STK32A: variants seen among roughly 807,000 people sequenced by gnomAD.
The protein encoded by STK32A is serine/threonine-protein kinase 32A.
STK32A carries 41 observed loss-of-function variants against 53.2 expected under a neutral mutation model. That is an observed-to-expected ratio of 0.77 (90% CI 0.60 to 1.00). The LOEUF (loss-of-function observed/expected upper bound fraction) is 1.00, where lower values mean the gene tolerates loss of function less well. Ranked by LOEUF, STK32A falls within the 50% of genes least tolerant of loss-of-function variation. STK32A has a pLI of 0.00. For synonymous variants in STK32A, 166 were observed against 162.8 expected (o/e 1.02, Z -0.15); for missense variants, 458 against 485.8 (o/e 0.94, Z 0.54).
intron 4 of STK32A, among the ~76,000 whole-genome samples, chr5:147,295,394 C>A (rs1034458561): frequency 6.6e-6 from 1 of 152,166 alleles, no homozygotes; most frequent in African/African-American, 2.4e-5. Context: ...CTTTGTTAAT[C>A]ATTTTTATAG....
chr5:147,371,278 A>C (rs1756993987), intron 9 of STK32A, among the ~76,000 whole-genome samples: 1 of 152,148 alleles, frequency 6.6e-6, no homozygotes, highest in African/African-American at 2.4e-5. Flanking sequence ...TGGTCTGTTA[A>C]AGGACAGTCC....
Position 147,373,255 on chromosome 5 carries a change from A to G in STK32A, c.864A>G (p.Ala288=). Residue 288 remains alanine, a synonymous_variant, in exon 10 of 13, where the codon GCA becomes GCG. Coordinates refer to ENST00000397936, the MANE Select transcript of STK32A (RefSeq NM_001112724.2). ...FPYMNDINWD[A]VFQKRLIPGF... ...ATATGAATGATATAAACTGGGATGCAGTTTTTCAGAAGAGGCTCATTCCAG... is the reference window on the plus strand; with the variant it reads ...ATATGAATGATATAAACTGGGATGCGGTTTTTCAGAAGAGGCTCATTCCAG... 1 of 1,613,378 alleles carries G rather than the reference A, an allele frequency of 6.2e-7. No homozygotes were observed. The highest frequency in any genetic ancestry group is 1.1e-5 in the South Asian group (1 of 91,078).
At chr5:147,304,992 G>A (rs1753332282) in intron 4 of STK32A, among the ~76,000 whole-genome samples, 1 of 152,024 alleles carries the variant, frequency 6.6e-6, no homozygotes, top group Admixed American at 6.6e-5. Flanking sequence ...CAGCTTCTTT[G>A]GAGGCTGAGG....
chr5:147,391,653 T>G (rs191949529), downstream of STK32A: 183 of 152,352 alleles, frequency 1.2e-3, 2 homozygotes, highest in African/African-American at 4.0e-3. Context: ...GCCTGTTTGA[T>G]GTGTCTTATG....
chr5:147,371,576 T>G (rs1290271694), intron 9 of STK32A, among the ~76,000 whole-genome samples: 1 of 152,208 alleles, frequency 6.6e-6, no homozygotes, highest in African/African-American at 2.4e-5. Context: ...TACTACTCAA[T>G]GTGGTTCACT....
chr5:147,239,426 C>A, intron 1 of STK32A, 113 bp from the exon 2 acceptor site: 1 of 443,576 alleles, frequency 2.3e-6, no homozygotes, highest in Non-Finnish European at 4.0e-6. Context: ...TTTTCAAACA[C>A]AAAAGTTTTC....
intron 5 of STK32A, among the ~76,000 whole-genome samples, chr5:147,329,530 C>T (rs1561724374): frequency 6.6e-6 from 1 of 152,304 alleles, no homozygotes; most frequent in East Asian, 1.9e-4. Flanking sequence ...GTCAAGTAAA[C>T]ACTTCAACAT....
intron 4 of STK32A, among the ~76,000 whole-genome samples, chr5:147,288,489 GT>G (rs1206324726): frequency 6.6e-6 from 1 of 152,174 alleles, no homozygotes; most frequent in Non-Finnish European, 1.5e-5. Context: ...AAGAAAAGAA[GT>G]TTAAGTGGCT....
chr5:147,302,255 G>A (rs886280749), intron 4 of STK32A, among the ~76,000 whole-genome samples: 11 of 152,072 alleles, frequency 7.2e-5, no homozygotes, highest in African/African-American at 1.4e-4. Flanking sequence ...TTCAAGCAAC[G>A]TTTTATTGTA....
intron 2 of STK32A, among the ~76,000 whole-genome samples, chr5:147,249,861 C>A (rs950717579): frequency 1.6e-5 from 2 of 128,076 alleles, no homozygotes; most frequent in Non-Finnish European, 3.1e-5. Context: ...TTCAGTGAGC[C>A]GAGATCTACT....
At chr5:147,268,321 T>C (rs1489071487) in intron 2 of STK32A, among the ~76,000 whole-genome samples, 3 of 152,168 alleles carry the variant, frequency 2.0e-5, no homozygotes, top group African/African-American at 7.2e-5. Context: ...CTTCTGAGGT[T>C]GTAATAATCT....
intron 6 of STK32A, among the ~76,000 whole-genome samples, chr5:147,344,077 A>G (rs1300628686): frequency 6.6e-6 from 1 of 152,216 alleles, no homozygotes; most frequent in Non-Finnish European, 1.5e-5. Flanking sequence ...ATAAATGTTA[A>G]CAGTGTCAAT....
chr5:147,331,430 T>C (rs1010522455), intron 5 of STK32A, among the ~76,000 whole-genome samples: 1 of 152,196 alleles, frequency 6.6e-6, no homozygotes, highest in African/African-American at 2.4e-5. Flanking sequence ...TCAAAGGCCC[T>C]GTTCTAGGTA....
intron 4 of STK32A, among the ~76,000 whole-genome samples, chr5:147,321,169 C>T (rs748193387): frequency 1.3e-5 from 2 of 152,086 alleles, no homozygotes; most frequent in Middle Eastern, 3.2e-3. Context: ...TTGGAGCTGT[C>T]GACTAACAAA....
At chr5:147,267,096 A>G (rs944450676) in intron 2 of STK32A, among the ~76,000 whole-genome samples, 1 of 152,046 alleles carries the variant, frequency 6.6e-6, no homozygotes, top group African/African-American at 2.4e-5. Flanking sequence ...TGGTAACAAT[A>G]GCAATAACAT....
rs1314937505 is a variant in STK32A, at chr5:147,386,934, C to A, written c.*2951C>A. Reference sequence around the variant, plus strand: ...GTTTTATTCTATAACTTGGGCTAAACGTTAATATCCCACTAGGTGGAACAT... The same window carrying A: ...GTTTTATTCTATAACTTGGGCTAAAAGTTAATATCCCACTAGGTGGAACAT... On this transcript the variant is annotated 3_prime_UTR_variant, in exon 13 of 13. Transcript: ENST00000397936. 1 of 152,178 alleles carries A rather than the reference C, an allele frequency of 6.6e-6. No individual in the cohort carries two copies. The highest frequency in any genetic ancestry group is 1.5e-5 in the Non-Finnish European group (1 of 68,020). 9.4% of individuals were successfully genotyped at this position (152,178 alleles called of 1,614,324 possible). A position where few individuals can be genotyped will look rare whatever the true frequency, so the allele number is the denominator to read the frequency against.
intron 5 of STK32A, among the ~76,000 whole-genome samples, chr5:147,328,869 A>T (rs1489002890): frequency 2.0e-5 from 3 of 152,198 alleles, no homozygotes; most frequent in Non-Finnish European, 2.9e-5. Flanking sequence ...AGACTCAATT[A>T]TGAATTTAAG....
At chr5:147,291,276 T>C (rs1752586241) in intron 4 of STK32A, among the ~76,000 whole-genome samples, 1 of 152,132 alleles carries the variant, frequency 6.6e-6, no homozygotes, top group Non-Finnish European at 1.5e-5. Flanking sequence ...AGTCCTGCAT[T>C]GCTAGGAAGT....
intron 8 of STK32A, among the ~76,000 whole-genome samples, chr5:147,369,208 T>A (rs1756900241): frequency 6.6e-6 from 1 of 152,158 alleles, no homozygotes; most frequent in Non-Finnish European, 1.5e-5. Context: ...TGGCAGTTGT[T>A]TTTAGATCTT....
Sources: gnomAD v4.1 joint callset for allele counts (sites outside exome capture counted in the v4.1 genomes callset) on GRCh38, gnomAD v4.1.1 for gene constraint, MANE v1.5 for transcripts, NCBI Gene and HGNC (gene_info 2026-07-23, HGNC 2026-07-21) for gene names.